SLC25A44: variants seen among roughly 807,000 people sequenced by gnomAD.
SLC25A44 encodes the protein solute carrier family 25, member 44.
A neutral mutation model predicts 29.9 loss-of-function variants in SLC25A44; 17 were observed. The ratio of observed to expected loss-of-function variants is 0.57; its 90% CI spans 0.39 to 0.85. The LOEUF is 0.85. Among genes scored for constraint, SLC25A44 ranks in the 40% least tolerant of loss-of-function variants. The probability of loss-of-function intolerance (pLI) is 0.00; values close to 1 mark genes in which losing one functional copy is unlikely to be tolerated. For missense variants in SLC25A44, 302 were observed against 398.4 expected, an observed-to-expected ratio of 0.76 and a Z score of 2.06; for synonymous variants, 140 against 151.8, an observed-to-expected ratio of 0.92 and a Z score of 0.57.
chr1:156,195,551 T>A (rs2842882), intron 1 of SLC25A44, among the ~76,000 whole-genome samples: 1 of 151,924 alleles, frequency 6.6e-6, no homozygotes, highest in African/African-American at 2.4e-5. Flanking sequence ...GCCGAGTGGA[T>A]ATGGAGGAAG....
chr1:156,208,041 C>T (rs1185765766), intron 3 of SLC25A44, 28 bp downstream of exon 3: 1 of 1,609,520 alleles, frequency 6.2e-7, no homozygotes, highest in Admixed American at 1.7e-5. Context: ...CCTCACCCTC[C>T]TCCTGGAGAA....
chr1:156,208,131 TCTC>T (rs1273476831), intron 3 of SLC25A44, 118 bp downstream of exon 3: 5 of 851,806 alleles, frequency 5.9e-6, no homozygotes, highest in South Asian at 3.2e-5. Flanking sequence ...CAGTCAGTCT[TCTC>T]CTGAACATCT....
chr1:156,202,177 T>C (rs1220575392), intron 2 of SLC25A44, among the ~76,000 whole-genome samples: 1 of 152,182 alleles, frequency 6.6e-6, no homozygotes, highest in Non-Finnish European at 1.5e-5. Context: ...CTAGAATTTC[T>C]CTCCCAACTT....
intron 2 of SLC25A44, among the ~76,000 whole-genome samples, chr1:156,202,423 C>G (rs563244206): frequency 1.3e-5 from 2 of 152,332 alleles, no homozygotes; most frequent in Middle Eastern, 6.8e-3. Flanking sequence ...AGTGAAATCT[C>G]TTGCTTCTCC....
chr1:156,208,719 T>A (rs557329839), intron 3 of SLC25A44, among the ~76,000 whole-genome samples: 2 of 152,352 alleles, frequency 1.3e-5, no homozygotes, highest in Admixed American at 1.3e-4. Flanking sequence ...CATAAGTCTG[T>A]CTGGTTTTTC....
rs1210913822 is a variant in SLC25A44 at position 156,198,125 on chromosome 1, C to T, written c.-13-1710C>T. ...CCCTAGAGTTGTCCCTGTGATGTGGCTACCTCCTTTCTCTGGGATTTCTCT... is the reference window on the plus strand; with the variant it reads ...CCCTAGAGTTGTCCCTGTGATGTGGTTACCTCCTTTCTCTGGGATTTCTCT... On this transcript the variant is annotated intron_variant, in intron 1 of 3. Transcript: ENST00000359511. The surrounding 1 kb of genome is among the most constrained non-coding windows in gnomAD (Gnocchi z 4.1). 1.3e-5 allele frequency: 2 copies of T among 152,170 alleles called. No homozygotes were observed. Among genetic ancestry groups the T allele is most frequent in the Non-Finnish European group, 2.9e-5 (2 of 68,042 alleles). 9.4% of individuals were successfully genotyped at this position (152,170 alleles called of 1,614,324 possible).
In SLC25A44 at chr1:156,212,084, G is replaced by A. The variant is rs1657366724; in HGVS notation, c.*1653G>A. On this transcript the variant is annotated 3_prime_UTR_variant, in exon 4 of 4. Coordinates refer to ENST00000359511, the MANE Select transcript of SLC25A44 (RefSeq NM_014655.4). ...TATCCCTTCCTGCACTTTGTCAAGA[G>A]AGTCCTCCAGTTTCTATCCAGGAAT... is the stretch of plus-strand genomic sequence containing the variant. 1 of 152,746 alleles carries A rather than the reference G, an allele frequency of 6.5e-6. No homozygotes were observed. The highest frequency in any genetic ancestry group is 1.5e-5 in the Non-Finnish European group (1 of 68,060). 9.5% of individuals were successfully genotyped at this position (152,746 alleles called of 1,614,324 possible).
intron 2 of SLC25A44, among the ~76,000 whole-genome samples, chr1:156,204,982 C>T (rs1191821586): frequency 6.6e-6 from 1 of 152,036 alleles, no homozygotes; most frequent in Non-Finnish European, 1.5e-5. Context: ...TTCTGCCCTG[C>T]CAGCCTCCAC....
chr1:156,210,383 C>T lies in SLC25A44; in HGVS notation c.897C>T (p.Leu299=). Residue 299 remains leucine (L), a synonymous_variant, in exon 4 of 4, where the codon CTC becomes CTT. Coordinates refer to ENST00000359511, the MANE Select transcript of SLC25A44 (RefSeq NM_014655.4). The part of the protein sequence containing the change: ...TIVIVVGYES[L]KKLSLRPELV... ...TCATTGTGGTGGGCTATGAGAGCCT[C>T]AAGAAACTCAGCCTCCGACCTGAGC... 6.2e-7 allele frequency: 1 copy of T among 1,604,030 alleles called. No homozygotes were observed. Among genetic ancestry groups the T allele is most frequent in the Admixed American group, 1.7e-5 (1 of 58,084 alleles).
At chr1:156,196,331 CCT>C (rs1365382803) in intron 1 of SLC25A44, 1 of 152,158 alleles carries the variant, frequency 6.6e-6, no homozygotes, top group East Asian at 1.9e-4. Flanking sequence ...GGTGCAGTGC[CCT>C]CTCTTCTGTT....
chr1:156,210,296 G>C lies in SLC25A44; in HGVS notation c.810G>C (p.Gly270=), dbSNP rs1339438118. Residue 270 remains glycine (G), a synonymous_variant, in exon 4 of 4, where the codon GGG becomes GGC. Coordinates refer to ENST00000359511, the MANE Select transcript of SLC25A44 (RefSeq NM_014655.4). ...TCAGACAGCTGATGGCAGAAGAAGG[G>C]CCTTGGGGCCTCATGAAGGGCCTCT... ...LTFRQLMAEE[G]PWGLMKGLSA... The C allele has an allele frequency of 1.9e-6, 3 of 1,604,526 alleles. No individual in the cohort carries two copies. The East Asian group carries it at 6.8e-5, about 36-fold the overall frequency.
chr1:156,206,230 C>A (rs1315080559), intron 2 of SLC25A44, among the ~76,000 whole-genome samples: 1 of 149,454 alleles, frequency 6.7e-6, no homozygotes, highest in South Asian at 2.1e-4. Flanking sequence ...GTTTTTATTT[C>A]ATTTTTAATT....
At position 156,203,699 on chromosome 1, in the gene SLC25A44, C is replaced by CTTTT. The variant is rs56890643; in HGVS notation, c.625+3246_625+3249dup. On this transcript the variant is annotated intron_variant, in intron 2 of 3. Transcript: ENST00000359511. ...TTCCTTCCTTCTTTCATTCTCTTTC[C>CTTTT]TTTTTTTTTTTTTTTTTTTTTTGAG... Among the ~76,000 whole-genome samples, 293 of 106,824 alleles carry CTTTT rather than the reference C, an allele frequency of 2.7e-3. 1 individual carries two copies. Among genetic ancestry groups the CTTTT allele is most frequent in the African/African-American group, 5.7e-3 (139 of 24,286 alleles). 70.1% of individuals were successfully genotyped at this position (106,824 alleles called of 152,430 possible).
Position 156,211,550 on chromosome 1 carries a change from C to T in SLC25A44, c.*1119C>T, listed in dbSNP as rs1460286584. On this transcript the variant is annotated 3_prime_UTR_variant, in exon 4 of 4. Coordinates refer to ENST00000359511, the MANE Select transcript of SLC25A44 (RefSeq NM_014655.4). ...ACAAGTGTTGTCTCACTATGGTGAT[C>T]TCTAAGATCCACATCACTGGATGCG... The T allele has an allele frequency of 6.6e-6, 1 of 152,444 alleles. No individual in the cohort carries two copies. The highest frequency in any genetic ancestry group is 6.5e-5 in the Admixed American group (1 of 15,272). 9.4% of individuals were successfully genotyped at this position (152,444 alleles called of 1,614,324 possible). A position where few individuals can be genotyped will look rare whatever the true frequency, so the allele number is the denominator to read the frequency against.
intron 2 of SLC25A44, among the ~76,000 whole-genome samples, chr1:156,200,749 G>A (rs1011427219): frequency 1.3e-5 from 2 of 152,088 alleles, no homozygotes; most frequent in Non-Finnish European, 2.9e-5. Context: ...GAAGGTGGGG[G>A]AGGACAAAAG....
In SLC25A44 at chr1:156,200,058, A is replaced by G. The variant is rs1331164365; in HGVS notation, c.211A>G (p.Thr71Ala). The part of the protein sequence containing the change: ...FIKILRADGI[T>A]GLYRGFLVNT... ...CAAGATCCTGCGAGCAGATGGTATC[A>G]CTGGCCTCTACCGAGGGTTCCTGGT... Residue 71 changes from threonine (T) to alanine (A), a missense_variant, in exon 2 of 4, where the codon ACT becomes GCT. By Grantham distance (58) the Thr-to-Ala change is moderately conservative. Transcript: ENST00000359511. 6.2e-7 allele frequency: 1 copy of G among 1,614,040 alleles called. No homozygotes were observed. The highest frequency in any genetic ancestry group is 8.5e-7 in the Non-Finnish European group (1 of 1,180,024).
intron 1 of SLC25A44, chr1:156,196,165 T>A (rs947283374): frequency 6.6e-6 from 1 of 152,262 alleles, no homozygotes; most frequent in African/African-American, 2.4e-5. Flanking sequence ...GGAGGAACTT[T>A]GCATACAGGT....
chr1:156,208,893 A>G (rs1657124097), intron 3 of SLC25A44, among the ~76,000 whole-genome samples: 1 of 152,202 alleles, frequency 6.6e-6, no homozygotes, highest in Non-Finnish European at 1.5e-5. Flanking sequence ...ATAGAATCTG[A>G]ATGATGATAT....
At chr1:156,207,831 A>G in intron 2 of SLC25A44, 55 bp from the exon 3 acceptor site, 1 of 1,599,064 alleles carries the variant, frequency 6.3e-7, no homozygotes, top group Non-Finnish European at 8.6e-7. Context: ...AAGCACAGTG[A>G]GGGCAGACCG....
Sources: allele counts gnomAD v4.1 joint callset (sites outside exome capture counted in the v4.1 genomes callset), GRCh38; gene constraint gnomAD v4.1.1; non-coding constraint Gnocchi (gnomAD v3.1); transcripts MANE v1.5; gene names NCBI Gene and HGNC (gene_info 2026-07-23, HGNC 2026-07-21).